KIAA0040: variants seen among roughly 807,000 people sequenced by gnomAD.
The protein encoded by KIAA0040 is uncharacterized protein KIAA0040.
Under a neutral mutation model 7.2 loss-of-function variants are expected in KIAA0040, and 10 were observed. That is an observed-to-expected ratio of 1.38 (90% CI 0.85 to 2.34). The LOEUF (loss-of-function observed/expected upper bound fraction) is 2.34. Ranked by LOEUF, KIAA0040 falls within the 30% of genes most tolerant of loss-of-function variation. The probability of loss-of-function intolerance (pLI) is 0.00; values close to 1 mark genes in which losing one functional copy is unlikely to be tolerated. For synonymous variants in KIAA0040, 49 were observed against 40.1 expected, an observed-to-expected ratio of 1.22 and a Z score of -0.84; for missense variants, 89 against 108.2, an observed-to-expected ratio of 0.82 and a Z score of 0.79.
intron 3 of KIAA0040, among the ~76,000 whole-genome samples, chr1:175,165,731 C>A (rs527269419): frequency 1.3e-5 from 2 of 152,272 alleles, no homozygotes; most frequent in South Asian, 4.1e-4. Context: ...GGCTTTGGGA[C>A]CCTTGGAAGT....
intron 2 of KIAA0040, among the ~76,000 whole-genome samples, chr1:175,176,932 A>G (rs1677222017): frequency 6.6e-6 from 1 of 152,098 alleles, no homozygotes; most frequent in Non-Finnish European, 1.5e-5. Context: ...AAACTGCTTA[A>G]GCTGGGGATT....
At chr1:175,172,562 A>C (rs1467217587) in intron 2 of KIAA0040, among the ~76,000 whole-genome samples, 1 of 152,206 alleles carries the variant, frequency 6.6e-6, no homozygotes, top group Admixed American at 6.5e-5. Context: ...ACAGGGTGAG[A>C]CTTTGTCTCT....
At chr1:175,175,045 C>T (rs570756697) in intron 2 of KIAA0040, among the ~76,000 whole-genome samples, 10 of 152,176 alleles carry the variant, frequency 6.6e-5, no homozygotes, top group South Asian at 2.1e-4. Context: ...GAGTTAGGAG[C>T]GGTTGAGTGG....
chr1:175,159,299 C>A lies in KIAA0040; in HGVS notation c.*1415G>T. Reference sequence around the variant, plus strand: ...ATCTAATTTACATGTCCTCACATACCTCAAGGCACATGTGTCACCTACATG... The same window carrying A: ...ATCTAATTTACATGTCCTCACATACATCAAGGCACATGTGTCACCTACATG... On this transcript the variant is annotated 3_prime_UTR_variant, in exon 4 of 4. Transcript: ENST00000423313. The A allele has an allele frequency of 6.6e-6, 1 of 152,352 alleles. No individual in the cohort carries two copies. 9.4% of individuals were successfully genotyped at this position (152,352 alleles called of 1,614,324 possible).
At chr1:175,184,342 C>T (rs1677569748) in intron 1 of KIAA0040, among the ~76,000 whole-genome samples, 1 of 152,194 alleles carries the variant, frequency 6.6e-6, no homozygotes, top group Non-Finnish European at 1.5e-5. Flanking sequence ...GGTCTCCTCC[C>T]TGGGCATTGG....
At chr1:175,173,041 C>A (rs1356531393) in intron 2 of KIAA0040, among the ~76,000 whole-genome samples, 1 of 152,122 alleles carries the variant, frequency 6.6e-6, no homozygotes, top group Non-Finnish European at 1.5e-5. Context: ...AGTTAACCAG[C>A]CCCTAGTGAA....
intron 1 of KIAA0040, among the ~76,000 whole-genome samples, chr1:175,187,810 C>G (rs943032847): frequency 2.6e-5 from 4 of 152,074 alleles, no homozygotes; most frequent in Admixed American, 6.6e-5. Context: ...GAAGACTAAA[C>G]ATACTATCAC....
At chr1:175,186,772 A>T (rs1055951768) in intron 1 of KIAA0040, among the ~76,000 whole-genome samples, 19 of 152,236 alleles carry the variant, frequency 1.2e-4, no homozygotes, top group Admixed American at 1.2e-3. Flanking sequence ...GCTTTGGTCC[A>T]AGTGTCTTGC....
At chr1:175,174,773 C>G (rs76806834) in intron 2 of KIAA0040, among the ~76,000 whole-genome samples, 1 of 150,254 alleles carries the variant, frequency 6.7e-6, no homozygotes, top group East Asian at 2.0e-4. Context: ...TCTAATACCA[C>G]TTACACTTCT....
chr1:175,162,055 C>G (rs1676563580), intron 3 of KIAA0040, among the ~76,000 whole-genome samples: 1 of 152,104 alleles, frequency 6.6e-6, no homozygotes, highest in Non-Finnish European at 1.5e-5. Context: ...TGGGGCCATT[C>G]TCCTGGTTGC....
intron 2 of KIAA0040, among the ~76,000 whole-genome samples, chr1:175,175,298 G>C (rs1677142465): frequency 1.3e-5 from 2 of 151,848 alleles, no homozygotes; most frequent in Admixed American, 1.3e-4. Flanking sequence ...CTGGCCATCA[G>C]AGAAATGCAA....
chr1:175,180,096 G>A (rs189265293), intron 1 of KIAA0040, among the ~76,000 whole-genome samples: 124 of 152,102 alleles, frequency 8.2e-4, no homozygotes, highest in African/African-American at 2.8e-3. Flanking sequence ...CCCATCTCCT[G>A]GCCTCTATTC....
chr1:175,190,008 G>A (rs1254163626), intron 1 of KIAA0040, among the ~76,000 whole-genome samples: 1 of 152,208 alleles, frequency 6.6e-6, no homozygotes, highest in Non-Finnish European at 1.5e-5. Flanking sequence ...GTAGGGGTCT[G>A]AAATTAGTCA....
chr1:175,176,123 C>G (rs1472752516), intron 2 of KIAA0040, among the ~76,000 whole-genome samples: 2 of 152,166 alleles, frequency 1.3e-5, no homozygotes, highest in African/African-American at 4.8e-5. Context: ...AACAGAATGA[C>G]TGACATATTT....
rs1203963453 is a variant in KIAA0040 at position 175,160,413 on chromosome 1, G to C, written c.*301C>G. On this transcript the variant is annotated 3_prime_UTR_variant, in exon 4 of 4. Transcript: ENST00000423313. ...CTTGGGAACCATATTGAGATGTATG[G>C]ATAAATGTTCTTTGTGCTTTGCATG... 3 of 367,608 alleles carry C rather than the reference G, an allele frequency of 8.2e-6. No homozygotes were observed. Among genetic ancestry groups the C allele is most frequent in the African/African-American group, 2.1e-5 (1 of 48,690 alleles). 22.8% of individuals were successfully genotyped at this position (367,608 alleles called of 1,614,324 possible).
chr1:175,178,430 T>A (rs1677294892), intron 1 of KIAA0040, among the ~76,000 whole-genome samples: 1 of 152,262 alleles, frequency 6.6e-6, no homozygotes, highest in South Asian at 2.1e-4. Flanking sequence ...AAAATAATGC[T>A]GCAAACATAT....
chr1:175,168,261 C>T (rs1571193981), intron 2 of KIAA0040, among the ~76,000 whole-genome samples: 1 of 152,128 alleles, frequency 6.6e-6, no homozygotes, highest in East Asian at 1.9e-4. Context: ...AGTAAATGAT[C>T]TGCTTGTAGA....
intron 2 of KIAA0040, among the ~76,000 whole-genome samples, chr1:175,172,170 A>G (rs1292971139): frequency 6.6e-6 from 1 of 152,044 alleles, no homozygotes; most frequent in Non-Finnish European, 1.5e-5. Flanking sequence ...CTCTAAGAAT[A>G]GTTAGTTCTC....
At position 175,160,742 on chromosome 1, in the gene KIAA0040, A is replaced by G. The variant is rs374303449; in HGVS notation, c.272T>C (p.Met91Thr). 128 of 1,548,982 alleles carry G rather than the reference A, an allele frequency of 8.3e-5. 2 individuals carry two copies. The African/African-American group carries it at 1.7e-3, about 20-fold the overall frequency. ...AACAGGCAGTGATGGTCTCTTCTCC[A>G]TCTGGAGAAGCTTGGGTTGAGCAGA... ...WISAQPKLLQ[M>T]EKRPSLPV The change falls in exon 4 of 4, where the codon ATG becomes ACG. Residue 91 changes from methionine to threonine, a missense_variant. Transcript: ENST00000423313.
Sources: gnomAD v4.1 joint callset for allele counts (sites outside exome capture counted in the v4.1 genomes callset) on GRCh38, gnomAD v4.1.1 for gene constraint, MANE v1.5 for transcripts, NCBI Gene and HGNC (gene_info 2026-07-23, HGNC 2026-07-21) for gene names.